The following KIAA0825 variants were observed in gnomAD, a reference collection of about 807,000 sequenced individuals.
The protein encoded by KIAA0825 is KIAA0825.
KIAA0825 carries 119 observed loss-of-function variants against 147.6 expected under a neutral mutation model. The ratio of observed to expected loss-of-function variants is 0.81; its 90% CI spans 0.69 to 0.94. The LOEUF is 0.94. Ranked by LOEUF, KIAA0825 falls within the 40% of genes least tolerant of loss-of-function variation. The pLI, the probability that KIAA0825 is intolerant of heterozygous loss-of-function variation, is 0.00. For synonymous variants in KIAA0825, 470 were observed against 518.1 expected, an observed-to-expected ratio of 0.91 and a Z score of 1.26; for missense variants, 1,381 against 1,472.7, an observed-to-expected ratio of 0.94 and a Z score of 1.02.
chr5:94,336,855 G>A (rs760490195), intron 20 of KIAA0825, among the ~76,000 whole-genome samples: 10 of 152,036 alleles, frequency 6.6e-5, no homozygotes, highest in South Asian at 2.1e-4. Flanking sequence ...CCACAATGGC[G>A]GAACTAATTT....
rs549805067 is a variant in KIAA0825 at position 94,227,976 on chromosome 5, A to T, written c.3711-73852T>A. On this transcript the variant is annotated intron_variant, in intron 20 of 20. Coordinates refer to ENST00000682413, the MANE Select transcript of KIAA0825 (RefSeq NM_001145678.3). ...ACTTAATGTATAATAATAAAAAAAA[A>T]TTTTAAGTTTTTCAACATTTAGATT... Among the ~76,000 whole-genome samples, 6 of 152,298 alleles carry T rather than the reference A, an allele frequency of 3.9e-5. No homozygotes were observed. In the South Asian group the frequency reaches 1.0e-3, roughly 26 times the overall value.
chr5:94,495,629 G>A (rs1764266569), intron 5 of KIAA0825, among the ~76,000 whole-genome samples: 1 of 152,150 alleles, frequency 6.6e-6, no homozygotes, highest in Non-Finnish European at 1.5e-5. Context: ...GGCCATCCGA[G>A]GCTCATGAGA....
At chr5:94,604,694 A>C (rs1398970953) in intron 1 of KIAA0825, among the ~76,000 whole-genome samples, 2 of 152,222 alleles carry the variant, frequency 1.3e-5, no homozygotes, top group Non-Finnish European at 2.9e-5. Context: ...AAGTTTTTTG[A>C]AACTAAGAAC....
intron 20 of KIAA0825, among the ~76,000 whole-genome samples, chr5:94,206,449 T>C (rs1417637815): frequency 6.6e-6 from 1 of 152,198 alleles, no homozygotes; most frequent in Admixed American, 6.5e-5. Context: ...TTATAGTCCC[T>C]TTTTCCTTCA....
intron 5 of KIAA0825, among the ~76,000 whole-genome samples, chr5:94,504,108 T>C (rs1765417015): frequency 6.6e-6 from 1 of 152,206 alleles, no homozygotes; most frequent in African/African-American, 2.4e-5. Flanking sequence ...AGCCCTTAAA[T>C]TATCTTAAAT....
intron 15 of KIAA0825, chr5:94,416,050 T>G (rs1430972203): frequency 6.6e-6 from 1 of 152,092 alleles, no homozygotes; most frequent in Non-Finnish European, 1.5e-5. Flanking sequence ...AAAGACTACA[T>G]CAGAAACACA....
intron 20 of KIAA0825, among the ~76,000 whole-genome samples, chr5:94,220,622 T>C (rs1773593710): frequency 6.6e-6 from 1 of 152,198 alleles, no homozygotes; most frequent in African/African-American, 2.4e-5. Context: ...TTCAGCTCCA[T>C]TATAATCTTA....
chr5:94,376,754 A>T (rs1176861869), intron 20 of KIAA0825, among the ~76,000 whole-genome samples: 2 of 152,130 alleles, frequency 1.3e-5, no homozygotes, highest in African/African-American at 2.4e-5. Context: ...AAGGAAGAAA[A>T]CAATTTTCTA....
intron 2 of KIAA0825, among the ~76,000 whole-genome samples, chr5:94,580,076 GAAGAT>G (rs1781801680): frequency 6.6e-6 from 1 of 152,092 alleles, no homozygotes; most frequent in African/African-American, 2.4e-5. Context: ...GACCACAAAT[GAAGAT>G]AAAATTTCAT....
chr5:94,418,284 G>A (rs986436085), intron 14 of KIAA0825, among the ~76,000 whole-genome samples: 2 of 151,870 alleles, frequency 1.3e-5, no homozygotes, highest in African/African-American at 4.8e-5. Flanking sequence ...ATTTGATTTT[G>A]ATGATCTAAA....
chr5:94,461,026 T>C (rs1239707947), intron 12 of KIAA0825, among the ~76,000 whole-genome samples: 1 of 151,958 alleles, frequency 6.6e-6, no homozygotes, highest in African/African-American at 2.4e-5. Flanking sequence ...GCAATTTAAA[T>C]TTGCTGAATG....
chr5:94,224,082 C>CTTTTTTTTTTTTTTTTTT (rs869059424), intron 20 of KIAA0825, among the ~76,000 whole-genome samples: 26 of 56,484 alleles, frequency 4.6e-4, no homozygotes, highest in East Asian at 1.3e-3. Flanking sequence ...TTTTTCTTTT[C>CTTTTTTTTTTTTTTTTTT]TTTTTTTTTT....
At chr5:94,394,996 T>C (rs563494876) in intron 17 of KIAA0825, among the ~76,000 whole-genome samples, 1 of 152,316 alleles carries the variant, frequency 6.6e-6, no homozygotes, top group African/African-American at 2.4e-5. Context: ...CATTATTAGT[T>C]ACCTTAATAC....
chr5:94,217,252 T>C (rs1191609270), intron 20 of KIAA0825, among the ~76,000 whole-genome samples: 1 of 152,092 alleles, frequency 6.6e-6, no homozygotes, highest in Non-Finnish European at 1.5e-5. Context: ...TTACGTATCA[T>C]TTAAAAAAAC....
chr5:94,495,180 C>G (rs1309028319), intron 5 of KIAA0825, among the ~76,000 whole-genome samples: 1 of 152,154 alleles, frequency 6.6e-6, no homozygotes, highest in East Asian at 1.9e-4. Flanking sequence ...CTAGTGCCCA[C>G]CTGAAAAGCT....
intron 5 of KIAA0825, among the ~76,000 whole-genome samples, chr5:94,486,518 T>A (rs1763075038): frequency 1.3e-5 from 2 of 152,190 alleles, no homozygotes; most frequent in South Asian, 4.1e-4. Flanking sequence ...GACTGTAAAA[T>A]TTAGTACTGT....
intron 2 of KIAA0825, among the ~76,000 whole-genome samples, chr5:94,544,203 G>A (rs1773894393): frequency 1.3e-5 from 2 of 152,132 alleles, no homozygotes; most frequent in African/African-American, 4.8e-5. Context: ...CCATGCCTTG[G>A]TAGAGGCCCA....
intron 20 of KIAA0825, among the ~76,000 whole-genome samples, chr5:94,247,967 A>G (rs1293260642): frequency 2.0e-5 from 3 of 152,046 alleles, no homozygotes; most frequent in Non-Finnish European, 4.4e-5. Context: ...GGAGTTTTTC[A>G]TTTTTGCTAG....
chr5:94,542,793 C>A (rs766744731), intron 2 of KIAA0825, among the ~76,000 whole-genome samples: 4 of 151,562 alleles, frequency 2.6e-5, no homozygotes, highest in Middle Eastern at 3.4e-3. Context: ...GGTGACGGAG[C>A]GAGATTCCCT....
Sources: allele counts gnomAD v4.1 joint callset (sites outside exome capture counted in the v4.1 genomes callset), GRCh38; gene constraint gnomAD v4.1.1; transcripts MANE v1.5; gene names NCBI Gene and HGNC (gene_info 2026-07-23, HGNC 2026-07-21).